The following NOTCH1 variants were observed in gnomAD, a reference collection of about 807,000 sequenced individuals.
The protein encoded by NOTCH1 is neurogenic locus notch homolog protein 1.
NOTCH1 carries 37 observed loss-of-function variants against 254.8 expected under a neutral mutation model. The observed-to-expected ratio is 0.15, with a 90% CI of 0.11 to 0.19. The LOEUF is 0.19. Ranked by LOEUF, NOTCH1 falls within the 10% of genes least tolerant of loss-of-function variation. The pLI is 1.00. For missense variants in NOTCH1, 2,972 were observed against 3,708.6 expected, an observed-to-expected ratio of 0.80 and a Z score of 5.16; for synonymous variants, 1,731 against 1,618.1, an observed-to-expected ratio of 1.07 and a Z score of -1.68.
chr9:136,543,387 G>A (rs556716472), intron 2 of NOTCH1: 45 of 243,634 alleles, frequency 1.8e-4, no homozygotes, highest in South Asian at 1.1e-3. Flanking sequence ...GGCATCACCC[G>A]TGCCCAGAGG....
At chr9:136,542,422 C>T (rs1444182291) in intron 2 of NOTCH1, among the ~76,000 whole-genome samples, 1 of 151,950 alleles carries the variant, frequency 6.6e-6, no homozygotes. Flanking sequence ...TCCGCCTCCC[C>T]CAACAATAGC....
At chr9:136,538,965 G>A (rs1346427541) in intron 2 of NOTCH1, among the ~76,000 whole-genome samples, 1 of 152,174 alleles carries the variant, frequency 6.6e-6, no homozygotes. Context: ...GCAGTCCCTC[G>A]GCCCGGCCTG....
At chr9:136,520,326 C>T (rs1053893184) in intron 4 of NOTCH1, among the ~76,000 whole-genome samples, 1 of 152,152 alleles carries the variant, frequency 6.6e-6, no homozygotes, top group African/African-American at 2.4e-5. Context: ...CCCTCTGAGA[C>T]ATTGCCCCAC....
intron 2 of NOTCH1, among the ~76,000 whole-genome samples, chr9:136,536,420 C>T (rs570815813): frequency 6.6e-6 from 1 of 152,328 alleles, no homozygotes; most frequent in South Asian, 2.1e-4. Context: ...CTAAGCTGAC[C>T]CTGAGGGTCC....
chr9:136,514,496 G>A lies in NOTCH1; in HGVS notation c.2207+14C>T, dbSNP rs369626003. ...TAGGACTGATGTGTCCCCATGATCG[G>A]CCCCGCCGCATACCCGTTGAGGCTG... On this transcript the variant is annotated intron_variant, in intron 13 of 33. Transcript: ENST00000651671. 4.3e-5 allele frequency: 67 copies of A among 1,558,792 alleles called. No homozygotes were observed. In the African/African-American group the frequency reaches 6.2e-4, roughly 14 times the overall value.
chr9:136,497,385 C>T lies in NOTCH1; in HGVS notation c.6354G>A (p.Leu2118=). Residue 2118 remains leucine (L), a synonymous_variant, in exon 34 of 34, where the codon CTG becomes CTA. Coordinates refer to ENST00000651671, the MANE Select transcript of NOTCH1 (RefSeq NM_017617.5). The part of the protein sequence containing the change: ...DIVRLLDEYN[L]VRSPQLHGAP... ...CTCCGTGCAGCTGCGGGCTGCGCAC[C>T]AGGTTGTACTCGTCCAGCAGCCTCA... 1 of 1,609,602 alleles carries T rather than the reference C, an allele frequency of 6.2e-7. No homozygotes were observed. Among genetic ancestry groups the T allele is most frequent in the Non-Finnish European group, 8.5e-7 (1 of 1,179,702 alleles).
chr9:136,512,489 G>A (rs1843196975), intron 15 of NOTCH1, among the ~76,000 whole-genome samples: 1 of 152,200 alleles, frequency 6.6e-6, no homozygotes, highest in Non-Finnish European at 1.5e-5. Flanking sequence ...GACAGTTGGG[G>A]GAACATCCCC....
At chr9:136,538,193 G>C (rs779058884) in intron 2 of NOTCH1, among the ~76,000 whole-genome samples, 4 of 152,190 alleles carry the variant, frequency 2.6e-5, no homozygotes, top group African/African-American at 4.8e-5. Context: ...CTCCCAGGGA[G>C]CAGGGTGGGG....
chr9:136,525,085 A>G (rs1843438719), intron 2 of NOTCH1, among the ~76,000 whole-genome samples: 1 of 152,116 alleles, frequency 6.6e-6, no homozygotes, highest in South Asian at 2.1e-4. Context: ...GAGTCTTCAT[A>G]ACTCACATCC....
intron 2 of NOTCH1, among the ~76,000 whole-genome samples, chr9:136,530,797 G>T (rs1053844190): frequency 2.0e-5 from 3 of 152,240 alleles, no homozygotes; most frequent in Admixed American, 1.3e-4. Context: ...CTCCCAAGAA[G>T]ACCCAGCCCA....
rs1271603410 is a variant in NOTCH1 at position 136,522,867 on chromosome 9, T to A, written c.725A>T (p.Glu242Val). The part of the protein sequence containing the change: ...TCRPTGDVTH[E>V]CACLPGFTGQ... ...AGCACTACCTGGCAGGCAGGCACAC[T>A]CGTGGGTGACGTCGCCCGTGGGGCG... Residue 242 changes from glutamate (E) to valine (V), a missense_variant, in exon 4 of 34, where the codon GAG becomes GTG. Physicochemically the swap from Glu to Val is moderately radical, Grantham distance 121 (BLOSUM62 -2). Transcript: ENST00000651671. The A allele has an allele frequency of 6.6e-7, 1 of 1,509,844 alleles. No homozygotes were observed. Among genetic ancestry groups the A allele is most frequent in the Admixed American group, 2.0e-5 (1 of 49,616 alleles). The allele number at this position is 1,509,844 out of a possible 1,614,324, so 93.5% of individuals were successfully genotyped here.
In NOTCH1 at chr9:136,545,628, C is replaced by T; in HGVS notation, c.61+98G>A. The T allele has an allele frequency of 9.5e-7, 1 of 1,051,946 alleles. No individual in the cohort carries two copies. Among genetic ancestry groups the T allele is most frequent in the East Asian group, 3.4e-5 (1 of 29,146 alleles). 65.2% of individuals were successfully genotyped at this position (1,051,946 alleles called of 1,614,324 possible). A position where few individuals can be genotyped will look rare whatever the true frequency, so the allele number is the denominator to read the frequency against. On this transcript the variant is annotated intron_variant, in intron 1 of 33. Coordinates refer to ENST00000651671, the MANE Select transcript of NOTCH1 (RefSeq NM_017617.5). The surrounding 1 kb of genome is among the most constrained non-coding windows in gnomAD (Gnocchi z 6.8). ...CTTTTCCCTCTCCATGCTGGCCTCC[C>T]CGCCGCCCGCTCCCAGCCGTGGGGC...
intron 19 of NOTCH1, 148 bp from the exon 20 acceptor site, chr9:136,508,533 C>G (rs1269604376): frequency 1.7e-6 from 2 of 1,166,490 alleles, no homozygotes; most frequent in Admixed American, 1.9e-5. Flanking sequence ...CTCCCCACCA[C>G]CCCCACACCA....
chr9:136,497,547 G>C lies in NOTCH1; in HGVS notation c.6192C>G (p.Pro2064=). The C allele has an allele frequency of 1.9e-6, 3 of 1,602,930 alleles. No homozygotes were observed. The highest frequency in any genetic ancestry group is 2.2e-5 in the South Asian group (2 of 90,642). The stretch of plus-strand genomic sequence containing the variant: ...TGCCCTCCCGGGCGGCCAGAAACAG[G>C]GGTGTCTCCTCCTGGGGGATGAGGG... ...KDMQNNREET[P]LFLAAREGSY... is the part of the protein sequence containing the mutation. The change falls in exon 34 of 34, where the codon CCC becomes CCG. Residue 2064 remains proline (P), a synonymous_variant. Coordinates refer to ENST00000651671, the MANE Select transcript of NOTCH1 (RefSeq NM_017617.5).
rs529133649 is a variant in NOTCH1 at position 136,494,906 on chromosome 9, G to A, written c.*1165C>T. 2.0e-4 allele frequency: 80 copies of A among 398,630 alleles called. No homozygotes were observed. The highest frequency in any genetic ancestry group is 1.4e-3 in the African/African-American group (67 of 48,734). 24.7% of individuals were successfully genotyped at this position (398,630 alleles called of 1,614,324 possible). ...GAGGGGTGGCCCAAGGGCAGCCCCC[G>A]CCTCCCTCCAGCCCCTGCCCGACCG... On this transcript the variant is annotated 3_prime_UTR_variant, in exon 34 of 34. Transcript: ENST00000651671.
chr9:136,507,938 C>T lies in NOTCH1; in HGVS notation c.3510+17G>A, dbSNP rs749934781. On this transcript the variant is annotated intron_variant, in intron 21 of 33. Coordinates refer to ENST00000651671, the MANE Select transcript of NOTCH1 (RefSeq NM_017617.5). Reference sequence around the variant, plus strand: ...ACTCGTGCCGGCCACAACCCTTACCCTAGGAGGGACCCCCACCTTGCAGGA... The same window carrying T: ...ACTCGTGCCGGCCACAACCCTTACCTTAGGAGGGACCCCCACCTTGCAGGA... 6.2e-7 allele frequency: 1 copy of T among 1,611,710 alleles called. No individual in the cohort carries two copies. Among genetic ancestry groups the T allele is most frequent in the African/African-American group, 1.3e-5 (1 of 74,914 alleles).
Position 136,515,340 on chromosome 9 carries a change from C to T in NOTCH1, c.1964G>A (p.Cys655Tyr), listed in dbSNP as rs1330664365. ...CASSPCDSGT[C>Y]LDKIDGYECA... is the part of the protein sequence containing the mutation. ...CTCGTAGCCATCGATCTTGTCCAGACAGGTGCCCGAGTCGCAGGGGCTGCT... is the reference window on the plus strand; with the variant it reads ...CTCGTAGCCATCGATCTTGTCCAGATAGGTGCCCGAGTCGCAGGGGCTGCT... The change falls in exon 12 of 34, where the codon TGT (cysteine) becomes TAT (tyrosine). Residue 655 changes from cysteine (C) to tyrosine (Y), a missense_variant. By Grantham distance (194) the Cys-to-Tyr change is radical. Transcript: ENST00000651671. The T allele has an allele frequency of 6.2e-7, 1 of 1,613,088 alleles. No individual in the cohort carries two copies. Among genetic ancestry groups the T allele is most frequent in the Non-Finnish European group, 8.5e-7 (1 of 1,180,016 alleles).
At chr9:136,520,580 T>C (rs1399759470) in intron 4 of NOTCH1, among the ~76,000 whole-genome samples, 1 of 151,596 alleles carries the variant, frequency 6.6e-6, no homozygotes, top group East Asian at 1.9e-4. Flanking sequence ...CAAAAAAAAA[T>C]ACAAGAAGTA....
chr9:136,509,243 C>T (rs918934037), intron 18 of NOTCH1, among the ~76,000 whole-genome samples, 172 bp from the exon 19 acceptor site: 7 of 152,170 alleles, frequency 4.6e-5, no homozygotes, highest in African/African-American at 1.2e-4. Flanking sequence ...ACCCGGGGCC[C>T]GGCTCTCACA....
Sources: allele counts gnomAD v4.1 joint callset (sites outside exome capture counted in the v4.1 genomes callset), GRCh38; gene constraint gnomAD v4.1.1; non-coding constraint Gnocchi (gnomAD v3.1); transcripts MANE v1.5; gene names NCBI Gene and HGNC (gene_info 2026-07-23, HGNC 2026-07-21).